Variants in GCH1 observed in about 807,000 individuals in gnomAD.
GCH1 encodes GTP cyclohydrolase 1.
A neutral mutation model predicts 25.9 loss-of-function variants in GCH1; 5 were observed. The ratio of observed to expected loss-of-function variants is 0.19; its 90% CI spans 0.10 to 0.41. The LOEUF is 0.41. Among genes scored for constraint, GCH1 ranks in the 10% least tolerant of loss-of-function variants. The pLI, the probability that GCH1 is intolerant of heterozygous loss-of-function variation, is 1.00. For missense variants in GCH1, 261 were observed against 336.5 expected, an observed-to-expected ratio of 0.78 and a Z score of 1.75; for synonymous variants, 159 against 129.6, an observed-to-expected ratio of 1.23 and a Z score of -1.54.
chr14:54,888,521 T>C (rs902832458), intron 1 of GCH1, among the ~76,000 whole-genome samples: 6 of 140,072 alleles, frequency 4.3e-5, no homozygotes. Context: ...TACTAGTTTT[T>C]TTTTTTTTTG....
At chr14:54,879,938 T>C (rs1285516484) in intron 1 of GCH1, among the ~76,000 whole-genome samples, 2 of 134,302 alleles carry the variant, frequency 1.5e-5, no homozygotes, top group East Asian at 2.2e-4. Context: ...TGAGCCAACA[T>C]TGCACCACAG....
At position 54,895,948 on chromosome 14, in the gene GCH1, G is replaced by C. The variant is rs181573335; in HGVS notation, c.343+6373C>G. 2.9e-3 allele frequency among the ~76,000 whole-genome samples: 448 copies of C among 152,272 alleles called. 1 individual carries two copies. Among genetic ancestry groups the C allele is most frequent in the African/African-American group, 9.9e-3 (412 of 41,550 alleles). On this transcript the variant is annotated intron_variant, in intron 1 of 5. Coordinates refer to ENST00000491895, the MANE Select transcript of GCH1 (RefSeq NM_000161.3). ...ATGGAAGGTACACACTGGAAAGTAG[G>C]GAAAAGGTGCACAAGGAGACAGTCA...
intron 1 of GCH1, among the ~76,000 whole-genome samples, chr14:54,899,564 G>A (rs10141456): frequency 0.04 from 6,060 of 152,162 alleles, 430 homozygotes; most frequent in African/African-American, 0.14. Context: ...GTTCTCCTGA[G>A]CAACAACTAT....
At chr14:54,887,251 A>T (rs985058498) in intron 1 of GCH1, among the ~76,000 whole-genome samples, 4 of 152,330 alleles carry the variant, frequency 2.6e-5, no homozygotes, top group African/African-American at 7.2e-5. Context: ...TTTAAAAACC[A>T]ATTAGAAGTC....
In GCH1 at chr14:54,843,854, A is replaced by T. The variant is rs1566658613; in HGVS notation, c.*163T>A. ...AAAGTAGAGGGCTCAACCCTTTATT[A>T]TATTTATTTGACTTCCTAGAAATAA... On this transcript the variant is annotated 3_prime_UTR_variant, in exon 6 of 6. Transcript: ENST00000491895. 6.2e-7 allele frequency: 1 copy of T among 1,611,604 alleles called. No individual in the cohort carries two copies. The highest frequency in any genetic ancestry group is 2.2e-5 in the East Asian group (1 of 44,874).
At position 54,842,965 on chromosome 14, in the gene GCH1, G is replaced by C; in HGVS notation, c.*1052C>G. On this transcript the variant is annotated 3_prime_UTR_variant, in exon 6 of 6. Transcript: ENST00000491895. ...ACAGATCGTTGGTACGATACGCTTT[G>C]GTTAAAACGTTGGACACAGCTCATA... 1.4e-6 allele frequency: 1 copy of C among 738,776 alleles called. No homozygotes were observed. The allele number at this position is 738,776 out of a possible 1,614,324, so 45.8% of individuals were successfully genotyped here.
At chr14:54,895,079 G>C (rs1330765493) in intron 1 of GCH1, among the ~76,000 whole-genome samples, 1 of 152,212 alleles carries the variant, frequency 6.6e-6, no homozygotes, top group South Asian at 2.1e-4. Context: ...AGAGGTTTGT[G>C]ATTCAAAAAG....
intron 1 of GCH1, chr14:54,885,485 G>T: frequency 3.6e-6 from 1 of 281,192 alleles, no homozygotes; most frequent in Non-Finnish European, 7.0e-6. Context: ...GATGCTTCTA[G>T]AAGCATAGCA....
Position 54,902,307 on chromosome 14 carries a change from G to C in GCH1, c.343+14C>G, listed in dbSNP as rs2040578952. On this transcript the variant is annotated intron_variant, in intron 1 of 5. Coordinates refer to ENST00000491895, the MANE Select transcript of GCH1 (RefSeq NM_000161.3). ...CGCCGCCCGCACGCTCTAGCAGCCCGCGGGCGCACTGACCTGAGATGGTCT... is the reference window on the plus strand; with the variant it reads ...CGCCGCCCGCACGCTCTAGCAGCCCCCGGGCGCACTGACCTGAGATGGTCT... 1 of 1,610,884 alleles carries C rather than the reference G, an allele frequency of 6.2e-7. No individual in the cohort carries two copies.
At chr14:54,868,201 C>T (rs534083660) in intron 1 of GCH1, among the ~76,000 whole-genome samples, 1 of 152,050 alleles carries the variant, frequency 6.6e-6, no homozygotes, top group African/African-American at 2.4e-5. Context: ...ATCACTTGAG[C>T]CCAGCATTCT....
intron 1 of GCH1, among the ~76,000 whole-genome samples, chr14:54,881,589 A>G (rs917108513): frequency 5.9e-5 from 9 of 152,178 alleles, no homozygotes; most frequent in African/African-American, 2.2e-4. Context: ...GAACCCAAAC[A>G]TTCCACAGAC....
chr14:54,852,360 C>G (rs1327535340), intron 3 of GCH1, among the ~76,000 whole-genome samples: 2 of 152,138 alleles, frequency 1.3e-5, no homozygotes, highest in African/African-American at 2.4e-5. Flanking sequence ...CCCAATTATT[C>G]CAGTTCAAGG....
chr14:54,877,914 G>C (rs1456548328), intron 1 of GCH1, among the ~76,000 whole-genome samples: 1 of 152,178 alleles, frequency 6.6e-6, no homozygotes, highest in East Asian at 1.9e-4. Flanking sequence ...GATCTGAGCA[G>C]ACCTGAGAAT....
At chr14:54,860,763 T>A (rs1348383083) in intron 2 of GCH1, among the ~76,000 whole-genome samples, 1 of 152,100 alleles carries the variant, frequency 6.6e-6, no homozygotes, top group African/African-American at 2.4e-5. Context: ...ATGGTTTCGA[T>A]CTCCTGACCT....
In GCH1 at chr14:54,859,669, A is replaced by G. The variant is rs760292517; in HGVS notation, c.509+12T>C. ...AAACCTGTATTCTTGTTCACTGCAC[A>G]GTCACACTTACCTCGCAAGTTTGCT... On this transcript the variant is annotated intron_variant, in intron 3 of 5. Transcript: ENST00000491895. 20 of 1,510,296 alleles carry G rather than the reference A, an allele frequency of 1.3e-5. No homozygotes were observed. The highest frequency in any genetic ancestry group is 1.8e-5 in the Non-Finnish European group (19 of 1,085,508). 93.6% of individuals were successfully genotyped at this position (1,510,296 alleles called of 1,614,324 possible).
intron 1 of GCH1, among the ~76,000 whole-genome samples, chr14:54,884,242 A>G (rs193143139): frequency 2.6e-5 from 4 of 152,202 alleles, no homozygotes; most frequent in African/African-American, 9.7e-5. Flanking sequence ...GGGCTGAGAC[A>G]AAACAATATG....
chr14:54,891,520 G>A (rs534250491), intron 1 of GCH1, among the ~76,000 whole-genome samples: 4 of 147,960 alleles, frequency 2.7e-5, no homozygotes, highest in East Asian at 2.0e-4. Context: ...AGTGATTCTC[G>A]TGCCTCAGCC....
intron 1 of GCH1, among the ~76,000 whole-genome samples, chr14:54,896,061 G>A (rs568584356): frequency 2.0e-5 from 3 of 152,174 alleles, no homozygotes; most frequent in Admixed American, 2.0e-4. Context: ...GCACTGGGAG[G>A]AAAAATGGAT....
At chr14:54,888,670 G>A (rs1287448197) in intron 1 of GCH1, among the ~76,000 whole-genome samples, 4 of 142,112 alleles carry the variant, frequency 2.8e-5, no homozygotes, top group African/African-American at 1.1e-4. Flanking sequence ...CCACAACCAC[G>A]CCCGGCTAAT....
Sources: gnomAD v4.1 joint callset for allele counts (sites outside exome capture counted in the v4.1 genomes callset) on GRCh38, gnomAD v4.1.1 for gene constraint, MANE v1.5 for transcripts, NCBI Gene and HGNC (gene_info 2026-07-23, HGNC 2026-07-21) for gene names.